KDM4C: variants seen among roughly 807,000 people sequenced by gnomAD.
The protein encoded by KDM4C is lysine demethylase 4C.
A neutral mutation model predicts 129.3 loss-of-function variants in KDM4C; 81 were observed. The observed-to-expected ratio is 0.63, with a 90% confidence interval of 0.52 to 0.75. The LOEUF is 0.75. Among genes scored for constraint, KDM4C ranks in the 30% least tolerant of loss-of-function variants. The pLI, the probability that KDM4C is intolerant of heterozygous loss-of-function variation, is 0.00. For synonymous variants in KDM4C, 573 were observed against 456.1 expected (o/e 1.26, Z -3.26); for missense variants, 1,457 against 1,304.0 (o/e 1.12, Z -1.81).
intron 4 of KDM4C, among the ~76,000 whole-genome samples, chr9:6,832,834 T>C (rs1442007430): frequency 2.0e-5 from 3 of 151,266 alleles, no homozygotes; most frequent in Non-Finnish European, 2.9e-5. Flanking sequence ...TTCAAGGGAT[T>C]CTCCTGCCTC....
chr9:7,133,170 G>A (rs934434346), intron 19 of KDM4C, among the ~76,000 whole-genome samples: 2 of 152,132 alleles, frequency 1.3e-5, no homozygotes, highest in South Asian at 4.1e-4. Flanking sequence ...CTGACATATA[G>A]TAGGAAAAGT....
chr9:6,826,064 C>T (rs966163761), intron 4 of KDM4C, among the ~76,000 whole-genome samples: 3 of 152,092 alleles, frequency 2.0e-5, no homozygotes, highest in African/African-American at 4.8e-5. Flanking sequence ...TTCCTGCCTC[C>T]GCCTCTCAAA....
At chr9:7,046,018 A>G (rs919619079) in intron 15 of KDM4C, among the ~76,000 whole-genome samples, 2 of 152,076 alleles carry the variant, frequency 1.3e-5, no homozygotes, top group Admixed American at 1.3e-4. Context: ...ACTTCTACCA[A>G]TTTAAAAAAT....
Position 7,174,795 on chromosome 9 carries a change from T to C in KDM4C, c.*66T>C, listed in dbSNP as rs1386663730. On this transcript the variant is annotated 3_prime_UTR_variant, in exon 22 of 22. Transcript: ENST00000381309. ...GAAGAGAGAAGATGAAGGGACATCCTTGGGGCTGTGCCGTGAGTTTTGCTG... is the reference window on the plus strand; with the variant it reads ...GAAGAGAGAAGATGAAGGGACATCCCTGGGGCTGTGCCGTGAGTTTTGCTG... 6.4e-6 allele frequency: 9 copies of C among 1,411,992 alleles called. No individual in the cohort carries two copies. In the Admixed American group the frequency reaches 1.6e-4, roughly 25 times the overall value. The allele number at this position is 1,411,992 out of a possible 1,614,324, so 87.5% of individuals were successfully genotyped here.
chr9:6,867,395 A>G (rs1408804478), intron 5 of KDM4C, among the ~76,000 whole-genome samples: 2 of 152,198 alleles, frequency 1.3e-5, no homozygotes, highest in African/African-American at 4.8e-5. Flanking sequence ...CCATTTTGGT[A>G]TCAGAAACCA....
chr9:7,084,784 A>G (rs12340278), intron 17 of KDM4C, among the ~76,000 whole-genome samples: 1,821 of 152,318 alleles, frequency 0.012, 43 homozygotes, highest in African/African-American at 0.041. Flanking sequence ...TTTATCTACA[A>G]ATATTGAATG....
At chr9:6,800,039 A>G (rs1828634035) in intron 2 of KDM4C, among the ~76,000 whole-genome samples, 2 of 151,678 alleles carry the variant, frequency 1.3e-5, no homozygotes, top group South Asian at 2.1e-4. Flanking sequence ...CCCTGGCAAC[A>G]TAGCGAGACC....
chr9:6,889,845 C>T (rs1048996344), intron 7 of KDM4C, among the ~76,000 whole-genome samples: 3 of 152,190 alleles, frequency 2.0e-5, no homozygotes, highest in African/African-American at 7.2e-5. Flanking sequence ...TCCCTTTCCC[C>T]AGGAGGGAGG....
chr9:6,938,107 A>G (rs1825156269), intron 8 of KDM4C, among the ~76,000 whole-genome samples: 1 of 152,190 alleles, frequency 6.6e-6, no homozygotes, highest in South Asian at 2.1e-4. Context: ...ATAATTTAGT[A>G]CTAATTAGAT....
rs537343493 is a variant in KDM4C, at chr9:7,012,148, A to G, written c.1968+269A>G. On this transcript the variant is annotated intron_variant, in intron 13 of 21. Coordinates refer to ENST00000381309, the MANE Select transcript of KDM4C (RefSeq NM_015061.6). ...CAGTGGCACAATCATGACTCCGTGC[A>G]GGCTTGTACTCTGGCTCAGGCGATC... Among the ~76,000 whole-genome samples the G allele has an allele frequency of 7.9e-5, 12 of 152,320 alleles. No individual in the cohort carries two copies. The South Asian group carries it at 2.5e-3, about 32-fold the overall frequency.
At chr9:6,913,425 C>T (rs1331687686) in intron 8 of KDM4C, among the ~76,000 whole-genome samples, 1 of 152,216 alleles carries the variant, frequency 6.6e-6, no homozygotes, top group African/African-American at 2.4e-5. Context: ...CTCTAGTTTG[C>T]AAAATGGGCT....
chr9:7,093,995 C>T (rs1479904284), intron 17 of KDM4C, among the ~76,000 whole-genome samples: 1 of 152,112 alleles, frequency 6.6e-6, no homozygotes, highest in Non-Finnish European at 1.5e-5. Flanking sequence ...CATTATTTAC[C>T]TTTTACTGTG....
chr9:7,086,122 C>T (rs1029435727), intron 17 of KDM4C, among the ~76,000 whole-genome samples: 10 of 152,184 alleles, frequency 6.6e-5, no homozygotes, highest in Admixed American at 6.5e-4. Context: ...CATGCCACTG[C>T]ACTCCAGCCT....
intron 15 of KDM4C, among the ~76,000 whole-genome samples, chr9:7,038,067 T>C (rs1827955068): frequency 1.3e-5 from 2 of 152,122 alleles, no homozygotes; most frequent in African/African-American, 2.4e-5. Flanking sequence ...AAAGAAGTTA[T>C]AGTACACTGA....
intron 18 of KDM4C, among the ~76,000 whole-genome samples, chr9:7,115,761 C>T (rs963734934): frequency 3.9e-5 from 6 of 152,242 alleles, no homozygotes; most frequent in Admixed American, 3.9e-4. Flanking sequence ...TCTGGATTAG[C>T]TCAAAAGGCC....
At chr9:7,170,340 A>G in intron 21 of KDM4C, 3 of 1,021,106 alleles carry the variant, frequency 2.9e-6, no homozygotes, top group Non-Finnish European at 3.5e-6. Context: ...TCTGTCTCAG[A>G]AAGTTACTGA....
chr9:7,160,378 C>G (rs763172570), intron 19 of KDM4C, among the ~76,000 whole-genome samples: 2 of 152,162 alleles, frequency 1.3e-5, no homozygotes, highest in African/African-American at 2.4e-5. Context: ...CCGTTGCTGG[C>G]GAGGAGCTGT....
chr9:6,993,828 A>G (rs934055352), intron 12 of KDM4C, among the ~76,000 whole-genome samples: 10 of 152,178 alleles, frequency 6.6e-5, no homozygotes, highest in Admixed American at 5.2e-4. Flanking sequence ...TGGAATTGTA[A>G]AATGCTTCAG....
chr9:7,045,575 A>G (rs1386957983), intron 15 of KDM4C, among the ~76,000 whole-genome samples: 2 of 151,976 alleles, frequency 1.3e-5, no homozygotes, highest in Non-Finnish European at 2.9e-5. Context: ...AGTTATTCCA[A>G]AGGCCTCTAG....
Sources: gnomAD v4.1 joint callset for allele counts (sites outside exome capture counted in the v4.1 genomes callset) on GRCh38, gnomAD v4.1.1 for gene constraint, MANE v1.5 for transcripts, NCBI Gene and HGNC (gene_info 2026-07-23, HGNC 2026-07-21) for gene names.